Variants in ZNF512 observed in about 807,000 individuals in gnomAD.
ZNF512 encodes the protein zinc finger protein 512.
A neutral mutation model predicts 77.5 loss-of-function variants in ZNF512; 25 were observed. The observed-to-expected ratio is 0.32, with a 90% CI of 0.23 to 0.45. The LOEUF (loss-of-function observed/expected upper bound fraction) is 0.45, where lower values mean the gene tolerates loss of function less well. Among genes scored for constraint, ZNF512 ranks in the 20% least tolerant of loss-of-function variants. The pLI is 1.00. For missense variants in ZNF512, 483 were observed against 692.6 expected (o/e 0.70, Z 3.40); for synonymous variants, 246 against 239.9 (o/e 1.03, Z -0.24).
At chr2:27,613,219 C>T (rs547875985) in intron 10 of ZNF512, among the ~76,000 whole-genome samples, 3 of 151,960 alleles carry the variant, frequency 2.0e-5, no homozygotes, top group East Asian at 1.9e-4. Flanking sequence ...TAGTTGTGGC[C>T]GGGTGTAGTG....
intron 13 of ZNF512, among the ~76,000 whole-genome samples, chr2:27,617,950 CT>C (rs34050504): frequency 0.018 from 2,332 of 128,228 alleles, 47 homozygotes; most frequent in African/African-American, 0.058. Context: ...TCCTTGAACT[CT>C]TTTTTTTTTT....
chr2:27,596,427 A>AC (rs1205194585), intron 2 of ZNF512, among the ~76,000 whole-genome samples: 1 of 151,552 alleles, frequency 6.6e-6, no homozygotes, highest in Non-Finnish European at 1.5e-5. Flanking sequence ...CATTCCTCCC[A>AC]CCCCCAGTCC....
At chr2:27,612,937 T>C (rs1489838897) in intron 10 of ZNF512, among the ~76,000 whole-genome samples, 23 of 152,112 alleles carry the variant, frequency 1.5e-4, no homozygotes, top group Admixed American at 1.5e-3. Context: ...ATTTTGGGAG[T>C]ATATGAAACT....
At chr2:27,615,865 A>G (rs1276582176) in intron 11 of ZNF512, among the ~76,000 whole-genome samples, 2 of 152,174 alleles carry the variant, frequency 1.3e-5, no homozygotes, top group East Asian at 3.8e-4. Flanking sequence ...GATGAGGGAG[A>G]GAGCCATCTT....
At position 27,621,475 on chromosome 2, in the gene ZNF512, A is replaced by G. The variant is rs181649029; in HGVS notation, c.*14A>G. On this transcript the variant is annotated 3_prime_UTR_variant, in exon 14 of 14. Transcript: ENST00000355467. Reference sequence around the variant, plus strand: ...GGAAGGAAATAGGCAGTCAGTGTAAAAGTGCTCCTAGGAAAGCAGATGTGA... The same window carrying G: ...GGAAGGAAATAGGCAGTCAGTGTAAGAGTGCTCCTAGGAAAGCAGATGTGA... The G allele has an allele frequency of 4.2e-5, 67 of 1,594,834 alleles. No individual in the cohort carries two copies. In the Middle Eastern group the frequency reaches 1.1e-3, roughly 25 times the overall value.
intron 9 of ZNF512, among the ~76,000 whole-genome samples, chr2:27,604,272 G>C (rs1260502752): frequency 6.6e-6 from 1 of 152,150 alleles, no homozygotes; most frequent in Non-Finnish European, 1.5e-5. Context: ...CATAGCTAGA[G>C]CTTTTATGGG....
chr2:27,601,917 G>C lies in ZNF512; in HGVS notation c.669+475G>C, dbSNP rs1049775263. Among the ~76,000 whole-genome samples the C allele has an allele frequency of 2.6e-5, 4 of 152,220 alleles. No individual in the cohort carries two copies. The East Asian group carries it at 7.7e-4, about 29-fold the overall frequency. ...TCCCGTCTTGGCCTCCTAAAGTGCT[G>C]GGATTATAGGCGTGAGCCATCGCGC... On this transcript the variant is annotated intron_variant, in intron 7 of 13. Coordinates refer to ENST00000355467, the MANE Select transcript of ZNF512 (RefSeq NM_032434.4).
intron 2 of ZNF512, 107 bp from the exon 3 acceptor site, chr2:27,597,960 C>T: frequency 1.3e-6 from 1 of 767,138 alleles, no homozygotes; most frequent in East Asian, 2.5e-5. Context: ...TTATAGCAGG[C>T]TTCTTAGTTT....
chr2:27,621,008 A>G (rs1050463117), intron 13 of ZNF512, 145 bp from the exon 14 acceptor site: 51 of 875,400 alleles, frequency 5.8e-5, no homozygotes, highest in Non-Finnish European at 8.2e-5. Context: ...ATCTTAAAAT[A>G]TAGAATCCTG....
At chr2:27,587,585 G>A (rs2148001201) in intron 2 of ZNF512, among the ~76,000 whole-genome samples, 1 of 150,852 alleles carries the variant, frequency 6.6e-6, no homozygotes, top group South Asian at 2.1e-4. Context: ...CCTAATTTGT[G>A]GTTTTTAATT....
intron 9 of ZNF512, 29 bp from the exon 10 acceptor site, chr2:27,607,816 C>G (rs370838212): frequency 1.0e-4 from 165 of 1,611,338 alleles, no homozygotes; most frequent in Non-Finnish European, 1.3e-4. Context: ...CTTATCAGGC[C>G]TGTGTTTTGC....
intron 2 of ZNF512, among the ~76,000 whole-genome samples, chr2:27,595,489 T>C (rs1391874698): frequency 6.6e-6 from 1 of 152,016 alleles, no homozygotes; most frequent in Non-Finnish European, 1.5e-5. Context: ...CAGGCCTGGC[T>C]AATTCTTTTG....
chr2:27,599,754 C>T, intron 4 of ZNF512, 76 bp downstream of exon 4: 1 of 1,424,604 alleles, frequency 7.0e-7, no homozygotes, highest in Non-Finnish European at 9.8e-7. Context: ...GAAAGAGAAG[C>T]CTTAGTTTGA....
chr2:27,602,517 C>T lies in ZNF512; in HGVS notation c.724C>T (p.Arg242Ter), dbSNP rs925994690. Residue 242 changes from arginine to a stop codon, truncating the protein, a stop_gained, in exon 8 of 14, where the codon CGA (arginine) becomes TGA (stop). Transcript: ENST00000355467. LOFTEE classifies it high-confidence loss of function. Reference protein sequence around the residue: ...IDEPSERERLRTVLKRLGKLR... With the variant: ...IDEPSERERL The stretch of plus-strand genomic sequence containing the variant: ...TGAGCCAAGTGAGAGGGAAAGGCTC[C>T]GAACAGTTCTAAAGAGACTGGGAAA... 2.5e-6 allele frequency: 4 copies of T among 1,613,942 alleles called. No individual in the cohort carries two copies. Among genetic ancestry groups the T allele is most frequent in the Admixed American group, 1.7e-5 (1 of 59,980 alleles).
chr2:27,606,314 T>C (rs1672358055), intron 9 of ZNF512, among the ~76,000 whole-genome samples: 1 of 152,084 alleles, frequency 6.6e-6, no homozygotes, highest in Admixed American at 6.5e-5. Flanking sequence ...TTATGGATAA[T>C]GCTTTTTTAT....
chr2:27,617,834 C>A (rs1315396299), intron 13 of ZNF512, among the ~76,000 whole-genome samples: 2 of 150,060 alleles, frequency 1.3e-5, no homozygotes, highest in African/African-American at 4.9e-5. Flanking sequence ...ATCACTTGAA[C>A]CCAGGAGTTT....
chr2:27,594,053 G>A (rs1453463193), intron 2 of ZNF512, among the ~76,000 whole-genome samples: 1 of 152,220 alleles, frequency 6.6e-6, no homozygotes, highest in Non-Finnish European at 1.5e-5. Flanking sequence ...TCTCTTCGGA[G>A]CTGTTGGGTA....
At chr2:27,592,873 C>T (rs1382540354) in intron 2 of ZNF512, among the ~76,000 whole-genome samples, 21 of 147,486 alleles carry the variant, frequency 1.4e-4, no homozygotes, top group Admixed American at 3.4e-4. Flanking sequence ...TTAGTAGTGA[C>T]GGGGTTTCTC....
At chr2:27,610,559 T>C (rs868777418) in intron 10 of ZNF512, among the ~76,000 whole-genome samples, 16 of 34,836 alleles carry the variant, frequency 4.6e-4, no homozygotes, top group African/African-American at 1.4e-3. Flanking sequence ...TATATATATA[T>C]ATATATATAT....
Sources: allele counts gnomAD v4.1 joint callset (sites outside exome capture counted in the v4.1 genomes callset), GRCh38; gene constraint gnomAD v4.1.1; transcripts MANE v1.5; gene names NCBI Gene and HGNC (gene_info 2026-07-23, HGNC 2026-07-21).